LILRB5: variants seen among roughly 807,000 people sequenced by gnomAD.
The protein encoded by LILRB5 is leukocyte immunoglobulin like receptor B5, also known as leukocyte immunoglobulin-like receptor subfamily B member 5.
A neutral mutation model predicts 68.4 loss-of-function variants in LILRB5; 61 were observed. The observed-to-expected ratio is 0.89, with a 90% confidence interval of 0.73 to 1.10. The LOEUF (loss-of-function observed/expected upper bound fraction) is 1.10. Among genes scored for constraint, LILRB5 ranks in the 50% least tolerant of loss-of-function variants. LILRB5 has a pLI of 0.00. For synonymous variants in LILRB5, 356 were observed against 315.8 expected, an observed-to-expected ratio of 1.13 and a Z score of -1.35; for missense variants, 771 against 751.6, an observed-to-expected ratio of 1.03 and a Z score of -0.30.
chr19:54,255,262 G>A (rs780173060), intron 5 of LILRB5, 24 bp downstream of exon 5: 4 of 1,609,954 alleles, frequency 2.5e-6, no homozygotes, highest in African/African-American at 1.3e-5. Context: ...CTGGGTCCCT[G>A]ACTGAACCCG....
At chr19:54,253,828 T>C (rs1310831965) in intron 8 of LILRB5, 190 bp downstream of exon 8, 3 of 1,482,110 alleles carry the variant, frequency 2.0e-6, no homozygotes, top group Non-Finnish European at 2.7e-6. Context: ...CTGCTGCCGG[T>C]GGGACAGGAC....
rs1270255579 is a variant in LILRB5 at position 54,256,618 on chromosome 19, C to G, written c.226G>C (p.Glu76Gln). ...PWARKRQNPL[E>Q]PGAKAKFHIP... ...TGGAACTTGGCCTTGGCTCCAGGCT[C>G]CAGTGGGTTCTGTCTCTTCCGGGCC... is the stretch of plus-strand genomic sequence containing the variant. Residue 76 changes from glutamate (E) to glutamine (Q), a missense_variant, in exon 3 of 13, where the codon GAG becomes CAG. Physicochemically the swap from Glu to Gln is conservative, Grantham distance 29. Coordinates refer to ENST00000449561, the MANE Select transcript of LILRB5 (RefSeq NM_001081442.3). 10 of 1,614,180 alleles carry G rather than the reference C, an allele frequency of 6.2e-6. No individual in the cohort carries two copies. Among genetic ancestry groups the G allele is most frequent in the Non-Finnish European group, 7.6e-6 (9 of 1,180,010 alleles).
Position 54,257,206 on chromosome 19 carries a change from C to T in LILRB5, c.-13G>A. On this transcript the variant is annotated 5_prime_UTR_variant, in exon 1 of 13. Transcript: ENST00000449561. ...GGGTGAGGGTCATGGCGTCAGCTCCCACTGGACTCAGCTGTGCAGGCGGAT... is the reference window on the plus strand; with the variant it reads ...GGGTGAGGGTCATGGCGTCAGCTCCTACTGGACTCAGCTGTGCAGGCGGAT... The T allele has an allele frequency of 6.2e-7, 1 of 1,614,196 alleles. No individual in the cohort carries two copies. The highest frequency in any genetic ancestry group is 1.1e-5 in the South Asian group (1 of 91,082).
At position 54,254,426 on chromosome 19, in the gene LILRB5, G is replaced by A. The variant is rs1459271060; in HGVS notation, c.1256-11C>T. On this transcript the variant is annotated splice_polypyrimidine_tract_variant and intron_variant, in intron 6 of 12. Coordinates refer to ENST00000449561, the MANE Select transcript of LILRB5 (RefSeq NM_001081442.3). ...GATCCCCAGAGGGTCCTGGGAATAA[G>A]CACAGAAAGGGAGCGAGGCGCTTTG... The A allele has an allele frequency of 1.9e-6, 3 of 1,580,246 alleles. No individual in the cohort carries two copies. The highest frequency in any genetic ancestry group is 1.7e-6 in the Non-Finnish European group (2 of 1,163,228).
chr19:54,251,327 G>C lies in LILRB5; in HGVS notation c.1630-395C>G. The stretch of plus-strand genomic sequence containing the variant: ...GAGGGTCTGGCCGCTCCCTCCCTGT[G>C]GTTCTGGCCTCTGCTCCTCACTCTG... On this transcript the variant is annotated intron_variant, in intron 12 of 12. Coordinates refer to ENST00000449561, the MANE Select transcript of LILRB5 (RefSeq NM_001081442.3). 3.8e-6 allele frequency: 3 copies of C among 798,250 alleles called. No homozygotes were observed. In the South Asian group the frequency reaches 5.5e-5, roughly 15 times the overall value. The allele number at this position is 798,250 out of a possible 1,614,324, so 49.4% of individuals were successfully genotyped here. A position where few individuals can be genotyped will look rare whatever the true frequency, so the allele number is the denominator to read the frequency against.
chr19:54,255,472 A>G lies in LILRB5; in HGVS notation c.766T>C (p.Tyr256His), dbSNP rs1380129474. 3 of 1,614,038 alleles carry G rather than the reference A, an allele frequency of 1.9e-6. No individual in the cohort carries two copies. The African/African-American group carries it at 4.0e-5, about 22-fold the overall frequency. ...ACGAGGTCATGTTCCCCCTCCTTGTACAGAACGAATATGTCATAGCCGACA... is the reference window on the plus strand; with the variant it reads ...ACGAGGTCATGTTCCCCCTCCTTGTGCAGAACGAATATGTCATAGCCGACA... ...SDVGYDIFVL[Y>H]KEGEHDLVQG... The change falls in exon 5 of 13, where the codon TAC (tyrosine) becomes CAC (histidine). Residue 256 changes from tyrosine (Y) to histidine (H), a missense_variant. Transcript: ENST00000449561.
chr19:54,255,397 T>C lies in LILRB5; in HGVS notation c.841A>G (p.Thr281Ala). ...TGGGAGCGGCTCACAGGGCCCAGGGTGAAGTTGGCCTGGGAGAGCCCAGCC... is the reference window on the plus strand; with the variant it reads ...TGGGAGCGGCTCACAGGGCCCAGGGCGAAGTTGGCCTGGGAGAGCCCAGCC... ...PQAGLSQANF[T>A]LGPVSRSHGG... is the part of the protein sequence containing the mutation. The change falls in exon 5 of 13, where the codon ACC becomes GCC. Residue 281 changes from threonine (T) to alanine (A), a missense_variant. Transcript: ENST00000449561. 2 of 1,613,822 alleles carry C rather than the reference T, an allele frequency of 1.2e-6. No homozygotes were observed. The highest frequency in any genetic ancestry group is 1.7e-6 in the Non-Finnish European group (2 of 1,179,960).
intron 12 of LILRB5, 100 bp from the exon 13 acceptor site, chr19:54,251,032 C>T (rs777841311): frequency 1.8e-5 from 29 of 1,605,926 alleles, no homozygotes; most frequent in Non-Finnish European, 1.0e-5. Flanking sequence ...TCTGTCTGTC[C>T]TCTTCTGCCT....
chr19:54,255,711 C>T, intron 4 of LILRB5, 129 bp from the exon 5 acceptor site: 1 of 1,137,314 alleles, frequency 8.8e-7, no homozygotes, highest in East Asian at 2.6e-5. Context: ...CCCGGGGCCT[C>T]CTTCTCACCT....
chr19:54,252,331 C>G, intron 11 of LILRB5, 35 bp downstream of exon 11: 1 of 1,610,876 alleles, frequency 6.2e-7, no homozygotes. Context: ...TGCTCCCTTG[C>G]CCACCCCAGG....
intron 8 of LILRB5, chr19:54,253,776 A>C (rs1199674972): frequency 7.1e-7 from 1 of 1,399,422 alleles, no homozygotes; most frequent in South Asian, 1.3e-5. Flanking sequence ...GAATGCCCCA[A>C]ACCACGGCCC....
chr19:54,254,304 A>G, intron 7 of LILRB5, 61 bp downstream of exon 7: 1 of 1,527,196 alleles, frequency 6.5e-7, no homozygotes, highest in Non-Finnish European at 8.9e-7. Context: ...CCTCGGGGAG[A>G]CTCAGGGCTG....
At chr19:54,252,838 G>A (rs2079003077) in intron 9 of LILRB5, 33 bp downstream of exon 9, 1 of 1,571,862 alleles carries the variant, frequency 6.4e-7, no homozygotes, top group African/African-American at 1.4e-5. Flanking sequence ...CCCACCCTCG[G>A]TCGGCCCACG....
At chr19:54,254,305 CTCAG>C (rs2079049572) in intron 7 of LILRB5, 56 bp downstream of exon 7, 43 of 1,532,340 alleles carry the variant, frequency 2.8e-5, no homozygotes, top group Non-Finnish European at 3.7e-5. Flanking sequence ...CTCGGGGAGA[CTCAG>C]GGCTGCCTGG....
At chr19:54,252,649 G>T in intron 9 of LILRB5, 100 bp from the exon 10 acceptor site, 2 of 1,344,700 alleles carry the variant, frequency 1.5e-6, no homozygotes, top group Non-Finnish European at 1.0e-6. Flanking sequence ...AGGCCCACTG[G>T]CACTGAGGCT....
At position 54,249,592 on chromosome 19, in the gene LILRB5, A is replaced by C. The variant is rs1284368482; in HGVS notation, c.*1194T>G. On this transcript the variant is annotated 3_prime_UTR_variant, in exon 13 of 13. Coordinates refer to ENST00000449561, the MANE Select transcript of LILRB5 (RefSeq NM_001081442.3). ...AATTTAAAGTACTTGGGAGAATAGA[A>C]TGAGGAGGGGGAATGTCCTATCTAT... 1.3e-5 allele frequency: 2 copies of C among 152,224 alleles called. No individual in the cohort carries two copies. The highest frequency in any genetic ancestry group is 4.8e-5 in the African/African-American group (2 of 41,466). 9.4% of individuals were successfully genotyped at this position (152,224 alleles called of 1,614,324 possible). A position where few individuals can be genotyped will look rare whatever the true frequency, so the allele number is the denominator to read the frequency against.
chr19:54,256,798 C>T (rs2079162358), intron 2 of LILRB5, 25 bp from the exon 3 acceptor site: 2 of 1,611,754 alleles, frequency 1.2e-6, no homozygotes, highest in African/African-American at 1.3e-5. Flanking sequence ...GAGGCTGGAT[C>T]CCAAGACATC....
At chr19:54,251,468 G>A (rs997820947) in intron 12 of LILRB5, 18 of 547,796 alleles carry the variant, frequency 3.3e-5, no homozygotes, top group African/African-American at 3.2e-4. Context: ...AGAGGATCGT[G>A]TGCCCCACTC....
chr19:54,253,745 G>T, intron 8 of LILRB5: 1 of 1,216,522 alleles, frequency 8.2e-7, no homozygotes, highest in Non-Finnish European at 1.2e-6. Flanking sequence ...GCGGAGCCCC[G>T]GAGCTGCAGG....
Sources: allele counts gnomAD v4.1 joint callset, GRCh38; gene constraint gnomAD v4.1.1; transcripts MANE v1.5; gene names NCBI Gene and HGNC (gene_info 2026-07-23, HGNC 2026-07-21).